Variants in FGF14 observed in about 807,000 individuals in gnomAD.
FGF14 encodes fibroblast growth factor homologous factor 4.
In FGF14, 5 loss-of-function variants were observed where a neutral mutation model predicts 25.5. The observed-to-expected ratio is 0.20, with a 90% CI of 0.10 to 0.41. The LOEUF is 0.41. Ranked by LOEUF, FGF14 falls within the 10% of genes least tolerant of loss-of-function variation. FGF14 has a pLI of 1.00. For missense variants in FGF14, 222 were observed against 320.1 expected, an observed-to-expected ratio of 0.69 and a Z score of 2.34; for synonymous variants, 138 against 118.3, an observed-to-expected ratio of 1.17 and a Z score of -1.08.
intron 1 of FGF14, among the ~76,000 whole-genome samples, chr13:102,272,223 C>T (rs957154681): frequency 6.6e-6 from 1 of 152,122 alleles, no homozygotes; most frequent in Non-Finnish European, 1.5e-5. Context: ...ACTTTCTTGG[C>T]TTGCTTTTTA....
intron 3 of FGF14, among the ~76,000 whole-genome samples, chr13:101,772,107 G>A (rs1371344094): frequency 6.6e-6 from 1 of 152,024 alleles, no homozygotes; most frequent in African/African-American, 2.4e-5. Context: ...TCCTAGACCA[G>A]AGAAAATTTG....
chr13:101,989,620 A>G (rs2493572), intron 1 of FGF14, among the ~76,000 whole-genome samples: 9,172 of 152,142 alleles, frequency 0.06, 879 homozygotes, highest in African/African-American at 0.21. Context: ...ATGTTTTTGT[A>G]TATGTAGATA....
At chr13:102,024,237 T>C (rs1454665479) in intron 1 of FGF14, among the ~76,000 whole-genome samples, 1 of 152,088 alleles carries the variant, frequency 6.6e-6, no homozygotes, top group Non-Finnish European at 1.5e-5. Flanking sequence ...TTTACAATTC[T>C]GCCAGCAACG....
rs191329267 is a variant in FGF14 at position 102,242,529 on chromosome 13, G to C, written c.208+158942C>G. Among the ~76,000 whole-genome samples, 267 of 152,076 alleles carry C rather than the reference G, an allele frequency of 1.8e-3. 2 individuals carry two copies. The highest frequency in any genetic ancestry group is 6.5e-3 in the Admixed American group (100 of 15,268). ...GCAAGAGAGATAGAGAGAGAAAAGG[G>C]GCCCAAATTTGTTATTTTATAAGGA... On this transcript the variant is annotated intron_variant, in intron 1 of 4. Coordinates refer to the FGF14 transcript ENST00000376131.
intron 3 of FGF14, among the ~76,000 whole-genome samples, chr13:101,830,198 C>G (rs549736821): frequency 3.2e-4 from 49 of 152,196 alleles, no homozygotes; most frequent in African/African-American, 1.2e-3. Flanking sequence ...CTAGAGAAGT[C>G]TAGTAGCAAC....
intron 3 of FGF14, among the ~76,000 whole-genome samples, chr13:101,867,329 T>C (rs899524603): frequency 2.0e-5 from 3 of 151,934 alleles, no homozygotes; most frequent in Admixed American, 2.0e-4. Context: ...AATAAATAAA[T>C]AAAAAGCAAC....
At chr13:101,889,246 A>G (rs941271170) in intron 1 of FGF14, among the ~76,000 whole-genome samples, 1 of 152,170 alleles carries the variant, frequency 6.6e-6, no homozygotes, top group Non-Finnish European at 1.5e-5. Flanking sequence ...TAAAAAAAAT[A>G]AAGTTCAACT....
At chr13:102,145,295 A>G (rs953387356) in intron 1 of FGF14, among the ~76,000 whole-genome samples, 3 of 152,158 alleles carry the variant, frequency 2.0e-5, no homozygotes, top group Non-Finnish European at 4.4e-5. Flanking sequence ...CCAATGAACT[A>G]TATAAGTTCT....
intron 1 of FGF14, among the ~76,000 whole-genome samples, chr13:101,939,680 T>C (rs1165569285): frequency 6.6e-6 from 1 of 152,212 alleles, no homozygotes; most frequent in African/African-American, 2.4e-5. Flanking sequence ...TGTTTCTAAT[T>C]CACAGACTGT....
intron 1 of FGF14, among the ~76,000 whole-genome samples, chr13:102,057,487 C>T (rs555011067): frequency 4.9e-4 from 74 of 152,210 alleles, no homozygotes; most frequent in African/African-American, 1.7e-3. Context: ...TATTTTCTTA[C>T]AAGATTAATA....
intron 1 of FGF14, among the ~76,000 whole-genome samples, chr13:102,278,965 G>T (rs2053689918): frequency 6.6e-6 from 1 of 152,068 alleles, no homozygotes; most frequent in South Asian, 2.1e-4. Flanking sequence ...GGATATAAAA[G>T]TCATAAAAAG....
intron 3 of FGF14, among the ~76,000 whole-genome samples, chr13:101,834,869 G>T (rs1248627896): frequency 6.6e-6 from 1 of 152,010 alleles, no homozygotes; most frequent in Admixed American, 6.6e-5. Flanking sequence ...AGATGTTCTG[G>T]TACCATAAGT....
At chr13:102,034,123 C>A (rs916170381) in intron 1 of FGF14, among the ~76,000 whole-genome samples, 4 of 152,008 alleles carry the variant, frequency 2.6e-5, no homozygotes, top group Admixed American at 6.6e-5. Flanking sequence ...AATGTGGCAG[C>A]AATACAAAAG....
chr13:101,767,501 A>C (rs2038484434), intron 3 of FGF14, among the ~76,000 whole-genome samples: 1 of 152,230 alleles, frequency 6.6e-6, no homozygotes, highest in African/African-American at 2.4e-5. Context: ...TGACAATGCA[A>C]ATCAAATCCA....
chr13:101,817,181 T>G (rs1380872291), intron 3 of FGF14, among the ~76,000 whole-genome samples: 2 of 152,192 alleles, frequency 1.3e-5, no homozygotes, highest in East Asian at 3.9e-4. Context: ...AGGGCCTGGT[T>G]TCTCAGTGAG....
chr13:102,060,815 C>T (rs775550668), intron 1 of FGF14, among the ~76,000 whole-genome samples: 5 of 152,096 alleles, frequency 3.3e-5, no homozygotes, highest in Non-Finnish European at 7.4e-5. Context: ...TTTTCGTGCC[C>T]AAATGTTGCA....
intron 3 of FGF14, among the ~76,000 whole-genome samples, chr13:101,841,359 G>T (rs2043182993): frequency 6.6e-6 from 1 of 151,850 alleles, no homozygotes; most frequent in African/African-American, 2.4e-5. Flanking sequence ...CTTATACTGG[G>T]TTCCAGGTCA....
At chr13:102,113,846 G>A (rs1325407040) in intron 1 of FGF14, among the ~76,000 whole-genome samples, 5 of 152,276 alleles carry the variant, frequency 3.3e-5, no homozygotes, top group African/African-American at 1.2e-4. Context: ...AGTAGTAAAA[G>A]GAATAAAATT....
Position 101,875,274 on chromosome 13 carries a change from C to T in FGF14, c.216G>A (p.Val72=). 1 of 1,613,152 alleles carries T rather than the reference C, an allele frequency of 6.2e-7. No individual in the cohort carries two copies. Among genetic ancestry groups the T allele is most frequent in the Non-Finnish European group, 8.5e-7 (1 of 1,179,298 alleles). The change falls in exon 2 of 5, where the codon GTG becomes GTA. Residue 72 remains valine, a synonymous_variant. Coordinates refer to ENST00000376143, the MANE Select transcript of FGF14 (RefSeq NM_004115.4). ...AGCCTTGCCTGCAATATAACCTGGTCACTATACCCTTGAGCTGGGGATCTG... is the reference window on the plus strand; with the variant it reads ...AGCCTTGCCTGCAATATAACCTGGTTACTATACCCTTGAGCTGGGGATCTG... ...RRQDPQLKGI[V]TRLYCRQGYY...
Sources: allele counts gnomAD v4.1 joint callset (sites outside exome capture counted in the v4.1 genomes callset), GRCh38; gene constraint gnomAD v4.1.1; transcripts MANE v1.5; gene names NCBI Gene and HGNC (gene_info 2026-07-23, HGNC 2026-07-21).